Variants in TACC1 observed in about 807,000 individuals in gnomAD.
TACC1 encodes the protein transforming acidic coiled-coil containing protein 1.
Under a neutral mutation model 84.4 loss-of-function variants are expected in TACC1, and 48 were observed. The ratio of observed to expected loss-of-function variants is 0.57; its 90% confidence interval spans 0.45 to 0.72. The LOEUF (loss-of-function observed/expected upper bound fraction) is 0.72. Ranked by LOEUF, TACC1 falls within the 30% of genes least tolerant of loss-of-function variation. The pLI is 0.00. For missense variants in TACC1, 920 were observed against 973.0 expected, an observed-to-expected ratio of 0.95 and a Z score of 0.72; for synonymous variants, 372 against 376.3, an observed-to-expected ratio of 0.99 and a Z score of 0.13.
intron 3 of TACC1, among the ~76,000 whole-genome samples, chr8:38,775,771 T>G (rs987888748): frequency 1.3e-5 from 2 of 152,238 alleles, no homozygotes. Context: ...ACAAATATAT[T>G]CTGCTCAGTG....
intron 3 of TACC1, chr8:38,757,122 G>A: frequency 2.0e-6 from 1 of 499,780 alleles, no homozygotes; most frequent in Non-Finnish European, 2.9e-6. Flanking sequence ...CAGCACCCGC[G>A]GGGCCCTGCA....
chr8:38,773,405 A>C (rs946345042), intron 3 of TACC1, among the ~76,000 whole-genome samples: 6 of 148,292 alleles, frequency 4.0e-5, no homozygotes, highest in African/African-American at 1.5e-4. Context: ...TATAATATAA[A>C]TTTTTATATT....
intron 3 of TACC1, among the ~76,000 whole-genome samples, chr8:38,773,887 C>G (rs981867948): frequency 6.6e-6 from 1 of 152,164 alleles, no homozygotes; most frequent in African/African-American, 2.4e-5. Context: ...TTAACAGTGG[C>G]TATTTATGAA....
At chr8:38,841,904 A>G (rs1483432870) in intron 9 of TACC1, among the ~76,000 whole-genome samples, 2 of 152,186 alleles carry the variant, frequency 1.3e-5, no homozygotes, top group Admixed American at 1.3e-4. Context: ...AATTGCCGAA[A>G]TGATACTTTC....
chr8:38,783,726 A>C (rs1204271938), upstream of TACC1, among the ~76,000 whole-genome samples: 5 of 152,200 alleles, frequency 3.3e-5, no homozygotes, highest in Admixed American at 3.3e-4. Context: ...AGCCTGAAAG[A>C]GTATTAGCTA....
intron 1 of TACC1, among the ~76,000 whole-genome samples, chr8:38,729,834 A>C (rs774770722): frequency 1.7e-4 from 26 of 152,182 alleles, no homozygotes; most frequent in Admixed American, 4.6e-4. Context: ...ACGCCACTGC[A>C]CTTTAGTCTG....
At chr8:38,835,310 C>T (rs571577540) in intron 6 of TACC1, among the ~76,000 whole-genome samples, 6 of 151,956 alleles carry the variant, frequency 3.9e-5, no homozygotes, top group Admixed American at 3.9e-4. Flanking sequence ...GCAAAAACGT[C>T]TTTTAGGAAG....
Position 38,749,926 on chromosome 8 carries a change from T to C in TACC1, c.26+4433T>C, listed in dbSNP as rs112709046. ...GTTTTAACAGCTGACAGTTAATCAA[T>C]GTAATTCAACAAATTAATAGAATAA... On this transcript the variant is annotated intron_variant, in intron 3 of 14. Coordinates refer to the TACC1 transcript ENST00000518415. Among the ~76,000 whole-genome samples the C allele has an allele frequency of 4.7e-3, 719 of 152,244 alleles. 4 individuals are homozygous for C. The highest frequency in any genetic ancestry group is 0.016 in the African/African-American group (668 of 41,536).
chr8:38,734,159 A>G (rs917838364), intron 1 of TACC1, among the ~76,000 whole-genome samples: 1 of 152,118 alleles, frequency 6.6e-6, no homozygotes, highest in African/African-American at 2.4e-5. Context: ...GGCAATGAAG[A>G]TACCAGATAC....
intron 3 of TACC1, among the ~76,000 whole-genome samples, chr8:38,776,728 G>A (rs951327771): frequency 6.6e-6 from 1 of 152,214 alleles, no homozygotes; most frequent in African/African-American, 2.4e-5. Flanking sequence ...TAGATTGTTG[G>A]ATTAGGGATG....
rs1385914724 is a variant in TACC1 at position 38,852,710 on chromosome 8, G to T, written c.*4687G>T. 6.6e-6 allele frequency: 1 copy of T among 152,628 alleles called. No homozygotes were observed. Among genetic ancestry groups the T allele is most frequent in the Non-Finnish European group, 1.5e-5 (1 of 68,044 alleles). 9.5% of individuals were successfully genotyped at this position (152,628 alleles called of 1,614,324 possible). On this transcript the variant is annotated 3_prime_UTR_variant, in exon 13 of 13. Coordinates refer to ENST00000317827, the MANE Select transcript of TACC1 (RefSeq NM_006283.3). ...CTTTTCAGTATTGCTGTTAGCAAGT[G>T]TGTGTTTGCCAATAGATACCCATTA...
chr8:38,782,423 T>A (rs28501515), upstream of TACC1, among the ~76,000 whole-genome samples: 1,673 of 152,320 alleles, frequency 0.011, 14 homozygotes, highest in Middle Eastern at 0.027. Context: ...TCTATCATTG[T>A]TGGACATTTG....
chr8:38,840,318 A>C (rs1260301231), intron 9 of TACC1, 51 bp downstream of exon 9: 1 of 1,523,518 alleles, frequency 6.6e-7, no homozygotes, highest in Admixed American at 1.7e-5. Flanking sequence ...GATCTGTCTT[A>C]GTCTGTTCAG....
intron 2 of TACC1, among the ~76,000 whole-genome samples, chr8:38,797,255 C>G (rs1820217411): frequency 1.3e-5 from 2 of 152,248 alleles, no homozygotes; most frequent in Admixed American, 6.5e-5. Context: ...TTTGGTTACA[C>G]AGGTCAGTCC....
chr8:38,747,202 C>G (rs959922204), intron 3 of TACC1, among the ~76,000 whole-genome samples: 1 of 152,190 alleles, frequency 6.6e-6, no homozygotes, highest in Non-Finnish European at 1.5e-5. Context: ...GCTAACAACA[C>G]CAAATGCTGG....
At chr8:38,792,101 A>G (rs1430378045) in intron 2 of TACC1, among the ~76,000 whole-genome samples, 2 of 152,250 alleles carry the variant, frequency 1.3e-5, no homozygotes, top group Non-Finnish European at 2.9e-5. Flanking sequence ...AACTCTAGCT[A>G]AAGATATTTC....
intron 3 of TACC1, among the ~76,000 whole-genome samples, chr8:38,749,417 A>G (rs768151798): frequency 7.2e-5 from 11 of 152,236 alleles, no homozygotes; most frequent in Non-Finnish European, 1.2e-4. Context: ...ATGCAGTATT[A>G]TTCTAATTCT....
chr8:38,766,559 A>G (rs1812295449), intron 3 of TACC1, among the ~76,000 whole-genome samples: 1 of 152,252 alleles, frequency 6.6e-6, no homozygotes, highest in Non-Finnish European at 1.5e-5. Flanking sequence ...TTTGCTGTAC[A>G]GCAATAGTTC....
chr8:38,840,530 A>T, intron 9 of TACC1: 1 of 295,608 alleles, frequency 3.4e-6, no homozygotes, highest in Non-Finnish European at 6.4e-6. Context: ...ATTCCCTTCC[A>T]TGCCCACTTT....
Sources: gnomAD v4.1 joint callset for allele counts (sites outside exome capture counted in the v4.1 genomes callset) on GRCh38, gnomAD v4.1.1 for gene constraint, MANE v1.5 for transcripts, NCBI Gene and HGNC (gene_info 2026-07-23, HGNC 2026-07-21) for gene names.